ABHD2: variants seen among roughly 807,000 people sequenced by gnomAD.
ABHD2 encodes the protein monoacylglycerol lipase ABHD2.
Under a neutral mutation model 48.1 loss-of-function variants are expected in ABHD2, and 20 were observed. The observed-to-expected ratio is 0.42, with a 90% confidence interval of 0.29 to 0.60. The LOEUF (loss-of-function observed/expected upper bound fraction) is 0.60. ABHD2 is among the 20% of genes least tolerant of loss of function. The probability of loss-of-function intolerance (pLI) is 0.24; values close to 1 mark genes in which losing one functional copy is unlikely to be tolerated. For missense variants in ABHD2, 405 were observed against 550.9 expected (o/e 0.74, Z 2.65); for synonymous variants, 209 against 214.2 (o/e 0.98, Z 0.21).
intron 5 of ABHD2, among the ~76,000 whole-genome samples, chr15:89,162,652 CAGAG>C (rs1239999984): frequency 6.6e-6 from 1 of 152,184 alleles, no homozygotes; most frequent in African/African-American, 2.4e-5. Context: ...GTCACCCTCT[CAGAG>C]AGCCCTTCCT....
chr15:89,062,579 G>A, the ABHD2 span, among the ~76,000 whole-genome samples: 1 of 152,038 alleles, frequency 6.6e-6, no homozygotes, highest in Non-Finnish European at 1.5e-5. Flanking sequence ...GTAGAGACAG[G>A]GTTTCACCAC....
chr15:89,087,438 G>C (rs1901399035), upstream of ABHD2: 1 of 152,156 alleles, frequency 6.6e-6, no homozygotes, highest in African/African-American at 2.4e-5. This position sits in a 1 kb window ranked among gnomAD's most constrained non-coding sequence, Gnocchi z 5.5. Context: ...TTCTATTCTT[G>C]GTACACGACA....
At chr15:89,052,009 A>G in the ABHD2 span, among the ~76,000 whole-genome samples, 1 of 152,200 alleles carries the variant, frequency 6.6e-6, no homozygotes, top group African/African-American at 2.4e-5. Context: ...CCAGAGTGAA[A>G]GTTCACATGC....
intron 5 of ABHD2, among the ~76,000 whole-genome samples, chr15:89,158,994 T>C (rs2050718687): frequency 6.6e-6 from 1 of 152,038 alleles, no homozygotes; most frequent in African/African-American, 2.4e-5. Context: ...CTTGAAGGTA[T>C]ATTCATGTTG....
chr15:89,048,331 A>AT, the ABHD2 span, among the ~76,000 whole-genome samples: 34 of 151,984 alleles, frequency 2.2e-4, no homozygotes, highest in African/African-American at 7.5e-4. Context: ...TGCCCTTAAC[A>AT]TTTTTCCTTC....
intron 9 of ABHD2, among the ~76,000 whole-genome samples, chr15:89,193,010 T>G (rs1190112560): frequency 6.6e-6 from 1 of 152,244 alleles, no homozygotes; most frequent in African/African-American, 2.4e-5. Flanking sequence ...CAGGAAGCTT[T>G]CTTCTACACA....
intron 3 of ABHD2, among the ~76,000 whole-genome samples, chr15:89,118,839 G>A (rs2050003283): frequency 6.6e-6 from 1 of 152,018 alleles, no homozygotes; most frequent in South Asian, 2.1e-4. Flanking sequence ...AAATAATCCA[G>A]AGACATTAAG....
the ABHD2 span, among the ~76,000 whole-genome samples, chr15:89,056,619 G>A: frequency 1.3e-5 from 2 of 151,986 alleles, no homozygotes; most frequent in South Asian, 2.1e-4. Context: ...CTCCAGCCTG[G>A]GCGACAGAGC....
At chr15:89,048,695 C>T in the ABHD2 span, among the ~76,000 whole-genome samples, 1 of 152,006 alleles carries the variant, frequency 6.6e-6, no homozygotes, top group African/African-American at 2.4e-5. Flanking sequence ...CGCATCAGCT[C>T]CTGAGGCTTC....
At chr15:89,129,059 G>A (rs1428430839) in intron 3 of ABHD2, among the ~76,000 whole-genome samples, 1 of 152,196 alleles carries the variant, frequency 6.6e-6, no homozygotes, top group East Asian at 1.9e-4. Context: ...GTCTAATGGG[G>A]AAGCTGCTTT....
At chr15:89,047,415 A>G in the ABHD2 span, among the ~76,000 whole-genome samples, 1 of 152,074 alleles carries the variant, frequency 6.6e-6, no homozygotes, top group Non-Finnish European at 1.5e-5. Flanking sequence ...TATTAGGTCC[A>G]GTTGGTGCAG....
intron 10 of ABHD2, 140 bp downstream of exon 10, chr15:89,193,459 G>C: frequency 2.8e-6 from 2 of 709,322 alleles, no homozygotes; most frequent in Non-Finnish European, 4.9e-6. Flanking sequence ...TTCTTATTCT[G>C]TGTAGCCTGA....
intron 5 of ABHD2, among the ~76,000 whole-genome samples, chr15:89,171,299 C>A (rs1051274973): frequency 1.3e-5 from 2 of 151,920 alleles, no homozygotes; most frequent in African/African-American, 4.8e-5. Flanking sequence ...CTCATTGAGC[C>A]CCTTGAGTTT....
At position 89,092,284 on chromosome 15, in the gene ABHD2, A is replaced by G. The variant is rs1038374591; in HGVS notation, c.-107+3721A>G. 1.3e-5 allele frequency among the ~76,000 whole-genome samples: 2 copies of G among 152,132 alleles called. No homozygotes were observed. The highest frequency in any genetic ancestry group is 2.4e-5 in the African/African-American group (1 of 41,432). On this transcript the variant is annotated intron_variant, in intron 1 of 10. Coordinates refer to ENST00000352732, the MANE Select transcript of ABHD2 (RefSeq NM_152924.5). This position sits in a 1 kb window ranked among gnomAD's most constrained non-coding sequence, Gnocchi z 4.4. ...AGACAGGTGAAGAGCTTTTTAGAGA[A>G]GTGGAACGTTGGTACCCTTGGATTT...
In ABHD2 at chr15:89,188,656, A is replaced by C. The variant is rs781664239; in HGVS notation, c.926+353A>C. On this transcript the variant is annotated intron_variant, in intron 8 of 10. Coordinates refer to ENST00000352732, the MANE Select transcript of ABHD2 (RefSeq NM_152924.5). This position sits in a 1 kb window ranked among gnomAD's most constrained non-coding sequence, Gnocchi z 4.1. ...AGTGTCAGGTGCCACATAAATCTGC[A>C]TTTCGCAGTGGAGTAAAAGGCAAAA... Among the ~76,000 whole-genome samples, 20 of 152,174 alleles carry C rather than the reference A, an allele frequency of 1.3e-4. No individual in the cohort carries two copies. The highest frequency in any genetic ancestry group is 1.1e-3 in the Admixed American group (17 of 15,282).
At chr15:89,089,701 A>C (rs1381909255) in intron 1 of ABHD2, among the ~76,000 whole-genome samples, 1 of 152,186 alleles carries the variant, frequency 6.6e-6, no homozygotes, top group Non-Finnish European at 1.5e-5. Flanking sequence ...CCTTACAGCC[A>C]CATTAAGCAG....
rs781172900 is a variant in ABHD2 at position 89,184,847 on chromosome 15, G to C, written c.723-577G>C. On this transcript the variant is annotated intron_variant, in intron 6 of 10. Transcript: ENST00000352732. This position sits in a 1 kb window ranked among gnomAD's most constrained non-coding sequence, Gnocchi z 5.1. ...CAGCCCCACCAGCTGTGCCTACAAA[G>C]GGTTAAGGGCCTGTCTACTTCCACT... Among the ~76,000 whole-genome samples the C allele has an allele frequency of 7.9e-5, 12 of 152,204 alleles. No homozygotes were observed. The highest frequency in any genetic ancestry group is 1.2e-4 in the Non-Finnish European group (8 of 68,028).
chr15:89,162,991 C>T (rs543139425), intron 5 of ABHD2, among the ~76,000 whole-genome samples: 39 of 152,336 alleles, frequency 2.6e-4, no homozygotes, highest in Admixed American at 2.2e-3. Context: ...ACTTTACAAA[C>T]TAGTACATCC....
chr15:89,096,318 A>G (rs1261642088), intron 1 of ABHD2, among the ~76,000 whole-genome samples: 1 of 152,262 alleles, frequency 6.6e-6, no homozygotes, highest in Non-Finnish European at 1.5e-5. Flanking sequence ...AAAAGTGCCA[A>G]AGGAAGTTTA....
Sources: gnomAD v4.1 joint callset for allele counts (sites outside exome capture counted in the v4.1 genomes callset) on GRCh38, gnomAD v4.1.1 for gene constraint, Gnocchi (gnomAD v3.1) non-coding constraint, MANE v1.5 for transcripts, NCBI Gene and HGNC (gene_info 2026-07-23, HGNC 2026-07-21) for gene names.